Variants in LRGUK observed in about 807,000 individuals in gnomAD.
LRGUK encodes leucine rich repeats and guanylate kinase domain containing.
In LRGUK, 65 loss-of-function variants were observed where a neutral mutation model predicts 76.0. The observed-to-expected ratio is 0.85, with a 90% CI of 0.70 to 1.05. The LOEUF (loss-of-function observed/expected upper bound fraction) is 1.05. LRGUK is among the 50% of genes least tolerant of loss of function. LRGUK has a pLI of 0.00. For synonymous variants in LRGUK, 268 were observed against 265.6 expected (o/e 1.01, Z -0.09); for missense variants, 758 against 732.8 (o/e 1.03, Z -0.40).
intron 13 of LRGUK, among the ~76,000 whole-genome samples, chr7:134,198,067 G>A (rs1800584277): frequency 7.7e-6 from 1 of 129,610 alleles, no homozygotes; most frequent in South Asian, 2.7e-4. Flanking sequence ...TTCCCTTTTG[G>A]CTCTTTGTGT....
intron 19 of LRGUK, among the ~76,000 whole-genome samples, chr7:134,261,449 T>A (rs553722466): frequency 6.6e-6 from 1 of 152,270 alleles, no homozygotes; most frequent in African/African-American, 2.4e-5. Context: ...TCTCCCATAT[T>A]CTCTATAGAT....
intron 15 of LRGUK, among the ~76,000 whole-genome samples, chr7:134,216,090 C>A (rs1349394836): frequency 1.3e-5 from 2 of 152,026 alleles, no homozygotes; most frequent in African/African-American, 4.8e-5. Context: ...TTACAGAGTT[C>A]TAATGTATAA....
intron 16 of LRGUK, among the ~76,000 whole-genome samples, chr7:134,245,438 C>T (rs543044121): frequency 3.3e-5 from 5 of 152,228 alleles, no homozygotes; most frequent in African/African-American, 1.2e-4. Context: ...GGTGTTGTGG[C>T]TATCATCTGA....
chr7:134,196,753 A>G (rs1312070716), intron 12 of LRGUK, among the ~76,000 whole-genome samples: 1 of 152,016 alleles, frequency 6.6e-6, no homozygotes, highest in East Asian at 1.9e-4. Context: ...ACTCCTCAAC[A>G]TTTTGTCAGC....
intron 5 of LRGUK, among the ~76,000 whole-genome samples, chr7:134,154,381 G>A (rs1364138576): frequency 3.3e-5 from 5 of 152,166 alleles, no homozygotes. Flanking sequence ...AAGAGAATGA[G>A]AGATTGGGGA....
At chr7:134,172,307 T>C (rs57009983) in intron 7 of LRGUK, among the ~76,000 whole-genome samples, 21,772 of 152,094 alleles carry the variant, frequency 0.14, 2,218 homozygotes, top group East Asian at 0.38. Flanking sequence ...TGTATCTAAT[T>C]TTTTTACAAA....
chr7:134,208,421 T>G (rs1325593774), intron 15 of LRGUK, among the ~76,000 whole-genome samples: 1 of 152,206 alleles, frequency 6.6e-6, no homozygotes, highest in Non-Finnish European at 1.5e-5. Flanking sequence ...CAAATCTGGA[T>G]GTAAATTTTG....
chr7:134,211,898 T>C (rs1467363146), downstream of LRGUK, among the ~76,000 whole-genome samples: 2 of 152,208 alleles, frequency 1.3e-5, no homozygotes, highest in East Asian at 1.9e-4. Flanking sequence ...TCAGAGAGAC[T>C]GGGGGCCAGT....
rs1268183746 is a variant in LRGUK at position 134,249,245 on chromosome 7, G to C, written c.2198+169G>C. On this transcript the variant is annotated intron_variant, in intron 18 of 19. Coordinates refer to the LRGUK transcript ENST00000285928. The stretch of plus-strand genomic sequence containing the variant: ...CCCTGCCCCTCTATGGAGGGCCCAG[G>C]CATATAACCTAGGTTCACCATTGGA... Among the ~76,000 whole-genome samples, 4 of 152,072 alleles carry C rather than the reference G, an allele frequency of 2.6e-5. No homozygotes were observed. In the East Asian group the frequency reaches 7.7e-4, roughly 29 times the overall value.
downstream of LRGUK, among the ~76,000 whole-genome samples, chr7:134,265,611 G>T (rs1419381596): frequency 2.0e-5 from 3 of 152,154 alleles, no homozygotes; most frequent in Admixed American, 6.6e-5. Context: ...AAACACCATG[G>T]ATTAAACTAT....
intron 2 of LRGUK, among the ~76,000 whole-genome samples, chr7:134,139,046 C>T (rs1458150410): frequency 6.6e-6 from 1 of 152,136 alleles, no homozygotes. Context: ...TGTGAATTCT[C>T]TTTAAAACTT....
intron 4 of LRGUK, among the ~76,000 whole-genome samples, 173 bp from the exon 5 acceptor site, chr7:134,148,061 CAAAA>C (rs10556613): frequency 1.1e-4 from 13 of 123,200 alleles, no homozygotes; most frequent in Admixed American, 1.7e-4. Flanking sequence ...GACTCCTTTT[CAAAA>C]AAAAAAAAAA....
At chr7:134,215,203 C>T (rs1199920221), downstream of LRGUK, among the ~76,000 whole-genome samples, 1 of 151,084 alleles carries the variant, frequency 6.6e-6, no homozygotes, top group Non-Finnish European at 1.5e-5. Flanking sequence ...CCAGTAAACA[C>T]ATAAAACACC....
chr7:134,146,526 T>G (rs1797976722), intron 4 of LRGUK, among the ~76,000 whole-genome samples: 1 of 152,240 alleles, frequency 6.6e-6, no homozygotes, highest in African/African-American at 2.4e-5. Context: ...GTATGCATTT[T>G]CCATAGCTCC....
At chr7:134,148,405 T>G in intron 5 of LRGUK, 86 bp downstream of exon 5, 1 of 764,608 alleles carries the variant, frequency 1.3e-6, no homozygotes. Context: ...TTAGATTACA[T>G]GGACTAGTAC....
intron 4 of LRGUK, 100 bp from the exon 5 acceptor site, chr7:134,148,138 C>A: frequency 6.1e-6 from 4 of 656,282 alleles, no homozygotes; most frequent in East Asian, 3.4e-5. Context: ...TGAATTCTAA[C>A]TCTACATTCA....
chr7:134,165,236 G>C (rs1198030099), intron 7 of LRGUK, among the ~76,000 whole-genome samples: 2 of 152,146 alleles, frequency 1.3e-5, no homozygotes, highest in African/African-American at 4.8e-5. Context: ...TTTATCTCAT[G>C]TAATCCTTAT....
intron 18 of LRGUK, among the ~76,000 whole-genome samples, chr7:134,253,076 G>A (rs948972698): frequency 4.6e-5 from 7 of 152,196 alleles, no homozygotes; most frequent in Non-Finnish European, 1.0e-4. Context: ...AACAAGTGGA[G>A]TTCAACTTGA....
chr7:134,190,379 A>T (rs918586266), intron 11 of LRGUK, among the ~76,000 whole-genome samples: 2 of 151,970 alleles, frequency 1.3e-5, no homozygotes, highest in Admixed American at 1.3e-4. Context: ...GCTAATTTTT[A>T]AATTTTTTTG....
Sources: gnomAD v4.1 joint callset for allele counts (sites outside exome capture counted in the v4.1 genomes callset) on GRCh38, gnomAD v4.1.1 for gene constraint, MANE v1.5 for transcripts, NCBI Gene and HGNC (gene_info 2026-07-23, HGNC 2026-07-21) for gene names.